TMIGD1: variants seen among roughly 807,000 people sequenced by gnomAD.
TMIGD1 encodes the protein transmembrane and immunoglobulin domain containing 1, also known as transmembrane and immunoglobulin domain-containing protein 1.
TMIGD1 carries 29 observed loss-of-function variants against 27.5 expected under a neutral mutation model. The observed-to-expected ratio is 1.05, with a 90% CI of 0.78 to 1.44. The LOEUF is 1.44. Among genes scored for constraint, TMIGD1 ranks in the 40% most tolerant of loss-of-function variants. The probability of loss-of-function intolerance (pLI) is 0.00; values close to 1 mark genes in which losing one functional copy is unlikely to be tolerated. For synonymous variants in TMIGD1, 109 were observed against 110.3 expected (o/e 0.99, Z 0.07); for missense variants, 334 against 310.6 (o/e 1.08, Z -0.57).
chr17:30,328,832 T>C (rs1909870563), intron 3 of TMIGD1, among the ~76,000 whole-genome samples: 1 of 151,152 alleles, frequency 6.6e-6, no homozygotes, highest in Non-Finnish European at 1.5e-5. Flanking sequence ...GGCATGGTAG[T>C]GGGCACCTGC....
rs1309973874 is a variant in TMIGD1 at position 30,324,805 on chromosome 17, A to C, written c.640+11T>G. 6.2e-7 allele frequency: 1 copy of C among 1,612,438 alleles called. No homozygotes were observed. The highest frequency in any genetic ancestry group is 8.5e-7 in the Non-Finnish European group (1 of 1,178,594). On this transcript the variant is annotated intron_variant, in intron 4 of 6. Transcript: ENST00000328886. ...TGCACTGTGCTGGGTATTACTTAAA[A>C]AGAGCATTACCTTTAACAATCAGGT...
chr17:30,326,296 T>C (rs1020031131), intron 3 of TMIGD1, among the ~76,000 whole-genome samples: 2 of 152,236 alleles, frequency 1.3e-5, no homozygotes, highest in African/African-American at 4.8e-5. Context: ...AGCATATCAG[T>C]ATATGTGAAT....
chr17:30,320,194 T>C (rs577425405), intron 4 of TMIGD1, among the ~76,000 whole-genome samples: 2 of 152,112 alleles, frequency 1.3e-5, no homozygotes, highest in East Asian at 3.9e-4. Context: ...CGTGCTACCA[T>C]ACCGAGATAA....
chr17:30,331,924 G>A, intron 2 of TMIGD1, 128 bp downstream of exon 2: 1 of 661,584 alleles, frequency 1.5e-6, no homozygotes, highest in Admixed American at 2.7e-5. Context: ...CTCCTGTACT[G>A]TGAGCCATGC....
intron 3 of TMIGD1, among the ~76,000 whole-genome samples, chr17:30,328,190 G>A (rs1338188957): frequency 1.3e-5 from 2 of 151,786 alleles, no homozygotes; most frequent in African/African-American, 4.8e-5. Flanking sequence ...GCCTACCACC[G>A]CACCTGGCCA....
At chr17:30,326,369 A>G (rs1909774461) in intron 3 of TMIGD1, among the ~76,000 whole-genome samples, 1 of 152,210 alleles carries the variant, frequency 6.6e-6, no homozygotes, top group South Asian at 2.1e-4. Flanking sequence ...TCACTTCCTG[A>G]TCCCCAGAGA....
chr17:30,329,122 G>C (rs1001647118), intron 3 of TMIGD1, 129 bp downstream of exon 3: 1 of 1,041,196 alleles, frequency 9.6e-7, no homozygotes, highest in South Asian at 1.6e-5. Flanking sequence ...GGGGAAATAG[G>C]TACTCTCATA....
chr17:30,318,890 C>G lies in TMIGD1; in HGVS notation c.664G>C (p.Glu222Gln), dbSNP rs1264799175. Residue 222 changes from glutamate (E) to glutamine (Q), a missense_variant, in exon 5 of 7, where the codon GAG becomes CAG. Glu to Gln is a conservative substitution (Grantham distance 29). Coordinates refer to ENST00000328886, the MANE Select transcript of TMIGD1 (RefSeq NM_206832.3). The stretch of plus-strand genomic sequence containing the variant: ...ACAACACATGCAGCAATAATGGGCT[C>G]TATTGGTACACCCACAGTTTTATCT... Reference protein sequence around the residue: ...VKDKTVGVPIEPIIAACVVIF... With the variant: ...VKDKTVGVPIQPIIAACVVIF... The G allele has an allele frequency of 6.2e-7, 1 of 1,613,532 alleles. No individual in the cohort carries two copies. The highest frequency in any genetic ancestry group is 2.2e-5 in the East Asian group (1 of 44,866).
At chr17:30,328,979 A>AG (rs1446429801) in intron 3 of TMIGD1, among the ~76,000 whole-genome samples, 6 of 150,902 alleles carry the variant, frequency 4.0e-5, no homozygotes, top group South Asian at 4.2e-4. Flanking sequence ...AAAAAAAAAA[A>AG]AAAGAAAGAA....
At chr17:30,319,254 A>AG (rs1909528379) in intron 4 of TMIGD1, among the ~76,000 whole-genome samples, 2 of 102,190 alleles carry the variant, frequency 2.0e-5, no homozygotes, top group Non-Finnish European at 3.6e-5. Flanking sequence ...AAAAAGAAAA[A>AG]AAAAAAAATA....
intron 3 of TMIGD1, among the ~76,000 whole-genome samples, chr17:30,326,891 T>G (rs1198137125): frequency 6.6e-6 from 1 of 152,204 alleles, no homozygotes; most frequent in African/African-American, 2.4e-5. Flanking sequence ...TTATCAAGCT[T>G]CCATTTAGTT....
intron 1 of TMIGD1, among the ~76,000 whole-genome samples, chr17:30,333,685 A>T (rs934871068): frequency 6.6e-6 from 1 of 152,106 alleles, no homozygotes; most frequent in Non-Finnish European, 1.5e-5. Flanking sequence ...TGCAATTACT[A>T]CTAATATTGA....
chr17:30,333,327 G>T (rs182745343), intron 1 of TMIGD1, among the ~76,000 whole-genome samples: 1 of 151,510 alleles, frequency 6.6e-6, no homozygotes, highest in African/African-American at 2.4e-5. Context: ...TGTAATCCCA[G>T]CTACTCGGGA....
At chr17:30,325,194 C>A in intron 3 of TMIGD1, 100 bp from the exon 4 acceptor site, 2 of 1,321,702 alleles carry the variant, frequency 1.5e-6, no homozygotes, top group Non-Finnish European at 1.0e-6. Context: ...GTCATTTATT[C>A]ATTTGACAAA....
intron 4 of TMIGD1, among the ~76,000 whole-genome samples, chr17:30,320,722 C>T (rs1453912536): frequency 6.6e-6 from 1 of 152,136 alleles, no homozygotes; most frequent in Admixed American, 6.5e-5. Flanking sequence ...AGCCAGGCAG[C>T]GTGGCATATC....
chr17:30,324,927 A>G lies in TMIGD1; in HGVS notation c.529T>C (p.Ser177Pro), dbSNP rs796684783. The G allele has an allele frequency of 1.9e-6, 3 of 1,614,072 alleles. No individual in the cohort carries two copies. In the Admixed American group the frequency reaches 5.0e-5, roughly 27 times the overall value. ...ACTTTGGTGATTGACAGCTGAAAAG[A>G]CTCACTTGTCTGTTGGATTTGGTGA... ...SRHQIQQTSE[S>P]FQLSITKVEK... Residue 177 changes from serine to proline, a missense_variant, in exon 4 of 7, where the codon TCT becomes CCT. Coordinates refer to ENST00000328886, the MANE Select transcript of TMIGD1 (RefSeq NM_206832.3).
rs1445666515 is a variant in TMIGD1 at position 30,324,939 on chromosome 17, G to C, written c.517C>G (p.Gln173Glu). ...GACAGCTGAAAAGACTCACTTGTCTGTTGGATTTGGTGACGGCTTTTCTCT... is the reference window on the plus strand; with the variant it reads ...GACAGCTGAAAAGACTCACTTGTCTCTTGGATTTGGTGACGGCTTTTCTCT... ...DLEKSRHQIQQTSESFQLSIT... is the reference protein window; with the variant it reads ...DLEKSRHQIQETSESFQLSIT... Residue 173 changes from glutamine (Q) to glutamate (E), a missense_variant, in exon 4 of 7, where the codon CAG (glutamine) becomes GAG (glutamate). Physicochemically the swap from Gln to Glu is conservative, Grantham distance 29 (BLOSUM62 2). Transcript: ENST00000328886. The C allele has an allele frequency of 6.2e-7, 1 of 1,614,168 alleles. No individual in the cohort carries two copies. The highest frequency in any genetic ancestry group is 1.7e-5 in the Admixed American group (1 of 60,016).
intron 6 of TMIGD1, 134 bp downstream of exon 6, chr17:30,317,059 C>G: frequency 9.3e-7 from 1 of 1,078,692 alleles, no homozygotes; most frequent in Non-Finnish European, 1.4e-6. Flanking sequence ...GCAGATTTTC[C>G]TCCACCTTCT....
chr17:30,322,553 G>A (rs139360329), intron 4 of TMIGD1, among the ~76,000 whole-genome samples: 22 of 152,250 alleles, frequency 1.4e-4, no homozygotes, highest in Non-Finnish European at 2.5e-4. Context: ...AGGCTGGAGC[G>A]CAGTGGTGCG....
Sources: allele counts gnomAD v4.1 joint callset (sites outside exome capture counted in the v4.1 genomes callset), GRCh38; gene constraint gnomAD v4.1.1; transcripts MANE v1.5; gene names NCBI Gene and HGNC (gene_info 2026-07-23, HGNC 2026-07-21).